TYRO3: variants seen among roughly 807,000 people sequenced by gnomAD.
TYRO3 encodes the protein tyrosine-protein kinase receptor TYRO3.
TYRO3 carries 38 observed loss-of-function variants against 95.2 expected under a neutral mutation model. The observed-to-expected ratio is 0.40, with a 90% CI of 0.31 to 0.52. The LOEUF is 0.52. Among genes scored for constraint, TYRO3 ranks in the 20% least tolerant of loss-of-function variants. TYRO3 has a pLI of 0.56. For missense variants in TYRO3, 812 were observed against 1,116.4 expected (o/e 0.73, Z 3.89); for synonymous variants, 367 against 432.9 (o/e 0.85, Z 1.89).
chr15:41,583,588 T>C lies in TYRO3; in HGVS notation c.*5312T>C, dbSNP rs1168503928. 2 of 152,238 alleles carry C rather than the reference T, an allele frequency of 1.3e-5. No homozygotes were observed. The highest frequency in any genetic ancestry group is 2.9e-5 in the Non-Finnish European group (2 of 68,054). The allele number at this position is 152,238 out of a possible 1,614,324, so 9.4% of individuals were successfully genotyped here. A position where few individuals can be genotyped will look rare whatever the true frequency, so the allele number is the denominator to read the frequency against. The stretch of plus-strand genomic sequence containing the variant: ...ACTATAAATGTATAATGTTTTCCTA[T>C]ATGTTCGTGGTACATTTTTTTTGCA... On this transcript the variant is annotated 3_prime_UTR_variant, in exon 19 of 19. Transcript: ENST00000263798.
chr15:41,568,818 C>A, intron 8 of TYRO3, 60 bp from the exon 9 acceptor site: 1 of 1,571,158 alleles, frequency 6.4e-7, no homozygotes, highest in East Asian at 2.3e-5. Flanking sequence ...TGTCCTCAGG[C>A]CCCAGCTGGA....
chr15:41,565,582 C>CTTTTTTTT (rs71104798), intron 6 of TYRO3, among the ~76,000 whole-genome samples: 2 of 133,304 alleles, frequency 1.5e-5, no homozygotes, highest in Non-Finnish European at 1.6e-5. Flanking sequence ...GCCCAGCTAA[C>CTTTTTTTT]TTTTTTTTTT....
intron 3 of TYRO3, chr15:41,562,239 TACTC>T: frequency 4.2e-6 from 1 of 238,168 alleles, no homozygotes; most frequent in Non-Finnish European, 7.8e-6. Context: ...TAGTCCCAGC[TACTC>T]CGGAGGCTAA....
rs1363008878 is a variant in TYRO3, at chr15:41,573,720, G to A, written c.2187G>A (p.Gly729=). ...CCATGTGGGAGATCATGACACGTGGGCAGACGCCATATGCTGGCATCGAAA... is the reference window on the plus strand; with the variant it reads ...CCATGTGGGAGATCATGACACGTGGACAGACGCCATATGCTGGCATCGAAA... The part of the protein sequence containing the change: ...GVTMWEIMTR[G]QTPYAGIENA... The change falls in exon 18 of 19, where the codon GGG becomes GGA. Residue 729 remains glycine, a synonymous_variant. Transcript: ENST00000263798. The A allele has an allele frequency of 1.9e-6, 3 of 1,614,270 alleles. No homozygotes were observed. Among genetic ancestry groups the A allele is most frequent in the South Asian group, 1.1e-5 (1 of 91,090 alleles).
At chr15:41,571,958 G>C (rs2055801402) in intron 14 of TYRO3, among the ~76,000 whole-genome samples, 1 of 151,370 alleles carries the variant, frequency 6.6e-6, no homozygotes, top group Non-Finnish European at 1.5e-5. Context: ...AGGGGTTTGA[G>C]ACTAGCCTGG....
intron 1 of TYRO3, among the ~76,000 whole-genome samples, chr15:41,560,916 C>T (rs2055644308): frequency 6.6e-6 from 1 of 152,206 alleles, no homozygotes; most frequent in African/African-American, 2.4e-5. Flanking sequence ...GTCCTTAGAG[C>T]CGGAGGGAAC....
At chr15:41,569,226 G>C (rs1454557526) in intron 9 of TYRO3, among the ~76,000 whole-genome samples, 1 of 151,616 alleles carries the variant, frequency 6.6e-6, no homozygotes, top group Non-Finnish European at 1.5e-5. Context: ...GGGAGGTTGA[G>C]GGATCGCTTG....
intron 9 of TYRO3, 83 bp from the exon 10 acceptor site, chr15:41,569,944 C>T (rs948758569): frequency 1.3e-6 from 2 of 1,534,418 alleles, no homozygotes; most frequent in Admixed American, 3.8e-5. Flanking sequence ...CCCCTTGAAC[C>T]AGCTGGATGG....
chr15:41,568,398 G>T, intron 8 of TYRO3, 36 bp downstream of exon 8: 2 of 1,592,446 alleles, frequency 1.3e-6, no homozygotes, highest in South Asian at 1.1e-5. Context: ...CACTCTCCTG[G>T]AGTATAAGCC....
In TYRO3 at chr15:41,573,476, G is replaced by T. The variant is rs762375720; in HGVS notation, c.2145+9G>T. 28 of 1,041,590 alleles carry T rather than the reference G, an allele frequency of 2.7e-5. No homozygotes were observed. The highest frequency in any genetic ancestry group is 3.9e-5 in the Non-Finnish European group (28 of 712,820). The allele number at this position is 1,041,590 out of a possible 1,614,324, so 64.5% of individuals were successfully genotyped here. On this transcript the variant is annotated intron_variant, in intron 17 of 18. Transcript: ENST00000263798. ...CTGTGCAGAGTGACGTGGTGAGCAG[G>T]GTGGCCCGTGAAGCTTGGTGGGGAC...
Position 41,573,691 on chromosome 15 carries a change from G to T in TYRO3, c.2158G>T (p.Val720Leu), listed in dbSNP as rs770541184. ...GATTCTGTCCCAGTGGGCGTTCGGG[G>T]TGACCATGTGGGAGATCATGACACG... ...TVQSDVWAFGVTMWEIMTRGQ... is the reference protein window; with the variant it reads ...TVQSDVWAFGLTMWEIMTRGQ... The change falls in exon 18 of 19, where the codon GTG becomes TTG. Residue 720 changes from valine (V) to leucine (L), a missense_variant. Coordinates refer to ENST00000263798, the MANE Select transcript of TYRO3 (RefSeq NM_006293.4). The T allele has an allele frequency of 1.9e-6, 3 of 1,614,276 alleles. No individual in the cohort carries two copies. The highest frequency in any genetic ancestry group is 1.7e-5 in the Admixed American group (1 of 60,024).
intron 4 of TYRO3, among the ~76,000 whole-genome samples, chr15:41,563,878 G>A (rs1223462615): frequency 6.6e-6 from 1 of 152,172 alleles, no homozygotes; most frequent in African/African-American, 2.4e-5. Context: ...GCTGTGTGTG[G>A]GAGATGGGAT....
At position 41,570,094 on chromosome 15, in the gene TYRO3, G is replaced by A. The variant is rs769429824; in HGVS notation, c.1320G>A (p.Leu440=). 5 of 1,614,150 alleles carry A rather than the reference G, an allele frequency of 3.1e-6. No individual in the cohort carries two copies. The highest frequency in any genetic ancestry group is 2.5e-6 in the Non-Finnish European group (3 of 1,180,026). ...TGGTCCTTGGTGTGCTAACGGCCCT[G>A]GTGACGGCTGCTGCCCTGGCCCTCA... ...VPVVLGVLTA[L]VTAAALALIL... is the part of the protein sequence containing the mutation. The change falls in exon 10 of 19, where the codon CTG becomes CTA. Residue 440 remains leucine, a synonymous_variant. Coordinates refer to ENST00000263798, the MANE Select transcript of TYRO3 (RefSeq NM_006293.4).
intron 1 of TYRO3, among the ~76,000 whole-genome samples, chr15:41,560,844 C>T (rs1274915975): frequency 1.3e-5 from 2 of 151,062 alleles, no homozygotes; most frequent in East Asian, 3.9e-4. Context: ...TAACTCCCAT[C>T]GTTTCAGCCC....
intron 1 of TYRO3, among the ~76,000 whole-genome samples, chr15:41,560,437 GCGCGCGCGCT>G (rs1358500038): frequency 2.0e-5 from 3 of 150,496 alleles, no homozygotes; most frequent in East Asian, 3.9e-4. Flanking sequence ...GTGCGCGCGC[GCGCGCGCGCT>G]CGCACGCAAG....
chr15:41,568,438 A>G, intron 8 of TYRO3, 76 bp downstream of exon 8: 1 of 1,461,644 alleles, frequency 6.8e-7, no homozygotes, highest in Non-Finnish European at 9.2e-7. Context: ...TAAGAATTTC[A>G]AAATGATTGT....
In TYRO3 at chr15:41,568,962, A is replaced by G. The variant is rs1358580109; in HGVS notation, c.1192A>G (p.Asn398Asp). Residue 398 changes from asparagine to aspartate, a missense_variant, in exon 9 of 19, where the codon AAT becomes GAT. Transcript: ENST00000263798. ...CCTGATCGTACGTGTGTGCGTCTCC[A>G]ATGCAGTTGGCTGTGGACCCTGGAG... Reference protein sequence around the residue: ...KDLIVRVCVSNAVGCGPWSQP... With the variant: ...KDLIVRVCVSDAVGCGPWSQP... 1 of 1,614,112 alleles carries G rather than the reference A, an allele frequency of 6.2e-7. No individual in the cohort carries two copies. Among genetic ancestry groups the G allele is most frequent in the Admixed American group, 1.7e-5 (1 of 60,030 alleles).
In TYRO3 at chr15:41,579,988, A is replaced by C. The variant is rs1595508260; in HGVS notation, c.*1712A>C. ...TAGCCAGGATGATCTCAATCTCCTG[A>C]CCTCGTGATCCGCCTGCCTCAGCCT... is the stretch of plus-strand genomic sequence containing the variant. On this transcript the variant is annotated 3_prime_UTR_variant, in exon 19 of 19. Transcript: ENST00000263798. 1 of 150,188 alleles carries C rather than the reference A, an allele frequency of 6.7e-6. No individual in the cohort carries two copies. Among genetic ancestry groups the C allele is most frequent in the South Asian group, 2.1e-4 (1 of 4,714 alleles). 9.3% of individuals were successfully genotyped at this position (150,188 alleles called of 1,614,324 possible).
intron 16 of TYRO3, 48 bp from the exon 17 acceptor site, chr15:41,573,260 C>G: frequency 6.5e-7 from 1 of 1,528,750 alleles, no homozygotes; most frequent in Non-Finnish European, 8.9e-7. Context: ...TCTTGTGGGC[C>G]TGTGAGCATG....
Sources: gnomAD v4.1 joint callset for allele counts (sites outside exome capture counted in the v4.1 genomes callset) on GRCh38, gnomAD v4.1.1 for gene constraint, MANE v1.5 for transcripts, NCBI Gene and HGNC (gene_info 2026-07-23, HGNC 2026-07-21) for gene names.